Variants in ARID5B observed in about 807,000 individuals in gnomAD.
ARID5B encodes AT-rich interactive domain-containing protein 5B.
ARID5B carries 13 observed loss-of-function variants against 97.2 expected under a neutral mutation model. That is an observed-to-expected ratio of 0.13 (90% CI 0.09 to 0.21). ARID5B has a LOEUF of 0.21. Ranked by LOEUF, ARID5B falls within the 10% of genes least tolerant of loss-of-function variation. ARID5B has a pLI of 1.00. For missense variants in ARID5B, 1,210 were observed against 1,465.3 expected, an observed-to-expected ratio of 0.83 and a Z score of 2.84; for synonymous variants, 556 against 570.3, an observed-to-expected ratio of 0.97 and a Z score of 0.36.
intron 7 of ARID5B, among the ~76,000 whole-genome samples, chr10:62,065,067 C>A: frequency 6.6e-6 from 1 of 152,172 alleles, no homozygotes; most frequent in East Asian, 1.9e-4. Context: ...AGTCACCATG[C>A]CCGTCCTCTA....
chr10:61,908,199 T>C (rs1843736701), intron 2 of ARID5B, among the ~76,000 whole-genome samples: 1 of 152,184 alleles, frequency 6.6e-6, no homozygotes, highest in Non-Finnish European at 1.5e-5. Flanking sequence ...TATTTTGAGT[T>C]AATAAAAAAC....
chr10:61,903,424 G>A (rs1843653565), intron 2 of ARID5B, among the ~76,000 whole-genome samples: 2 of 152,212 alleles, frequency 1.3e-5, no homozygotes, highest in South Asian at 4.1e-4. Context: ...CCGCAGTTCT[G>A]CGGGCTCCCC....
intron 8 of ARID5B, among the ~76,000 whole-genome samples, chr10:62,078,794 G>A (rs1840171659): frequency 6.6e-6 from 1 of 152,178 alleles, no homozygotes; most frequent in South Asian, 2.1e-4. Flanking sequence ...AAGCCCCAAA[G>A]GAGCTTTATT....
chr10:61,962,941 T>C (rs1195549003), intron 3 of ARID5B, among the ~76,000 whole-genome samples: 1 of 152,236 alleles, frequency 6.6e-6, no homozygotes, highest in African/African-American at 2.4e-5. Context: ...TGGTTTTTAA[T>C]GTTAGTAGAA....
intron 2 of ARID5B, among the ~76,000 whole-genome samples, chr10:61,904,716 A>G (rs1215879670): frequency 6.6e-6 from 1 of 152,234 alleles, no homozygotes; most frequent in Non-Finnish European, 1.5e-5. Context: ...TGTATATTTC[A>G]TTAGGACTTT....
At chr10:62,031,439 T>C (rs1181573521) in intron 4 of ARID5B, among the ~76,000 whole-genome samples, 1 of 152,254 alleles carries the variant, frequency 6.6e-6, no homozygotes, top group Admixed American at 6.5e-5. Context: ...TGAAAAACTC[T>C]TAAGAAGGAG....
rs189253218 is a variant in ARID5B at position 62,019,853 on chromosome 10, G to C, written c.733+19532G>C. ...AAGGTTTAATTCAGAGTGAAGATTT[G>C]CTCCTAGGGAGCCACAGAATTAGCA... On this transcript the variant is annotated intron_variant, in intron 4 of 9. Transcript: ENST00000279873. 2.6e-5 allele frequency among the ~76,000 whole-genome samples: 4 copies of C among 152,204 alleles called. No homozygotes were observed. The East Asian group carries it at 5.8e-4, about 22-fold the overall frequency.
At chr10:62,088,700 G>A (rs886232432) in intron 9 of ARID5B, among the ~76,000 whole-genome samples, 11 of 152,226 alleles carry the variant, frequency 7.2e-5, no homozygotes, top group Non-Finnish European at 1.5e-4. Flanking sequence ...ATAGAACCAT[G>A]TTATTAGCCA....
At chr10:61,982,159 C>A (rs1270621098) in intron 3 of ARID5B, among the ~76,000 whole-genome samples, 1 of 152,188 alleles carries the variant, frequency 6.6e-6, no homozygotes, top group Non-Finnish European at 1.5e-5. Flanking sequence ...GATTTGCATC[C>A]TTGCCGTGTG....
chr10:62,067,090 CT>C (rs58181996), intron 7 of ARID5B, among the ~76,000 whole-genome samples: 100 of 144,932 alleles, frequency 6.9e-4, no homozygotes, highest in Non-Finnish European at 6.7e-4. Context: ...TATAGAACTT[CT>C]TTTTTTTTTT....
intron 4 of ARID5B, among the ~76,000 whole-genome samples, chr10:62,013,704 A>C (rs1839246825): frequency 1.3e-5 from 2 of 149,658 alleles, no homozygotes; most frequent in Non-Finnish European, 3.0e-5. Flanking sequence ...ACCTTACTTC[A>C]CTCCACACAA....
chr10:61,995,702 C>G (rs1219586098), intron 3 of ARID5B, among the ~76,000 whole-genome samples: 1 of 152,172 alleles, frequency 6.6e-6, no homozygotes, highest in Non-Finnish European at 1.5e-5. Context: ...TGGACCCAGA[C>G]TGTTTTACTC....
At chr10:61,920,341 T>C (rs1843991667) in intron 2 of ARID5B, among the ~76,000 whole-genome samples, 1 of 151,744 alleles carries the variant, frequency 6.6e-6, no homozygotes, top group African/African-American at 2.4e-5. Context: ...TTTTTTTTTT[T>C]TTTTTCCTGA....
chr10:62,034,415 A>T (rs1839535623), intron 4 of ARID5B, among the ~76,000 whole-genome samples: 1 of 152,200 alleles, frequency 6.6e-6, no homozygotes, highest in South Asian at 2.1e-4. Flanking sequence ...GGCCTGACAT[A>T]GTTACATCCC....
At position 62,077,507 on chromosome 10, in the gene ARID5B, C is replaced by T. The variant is rs189148270; in HGVS notation, c.1199+7710C>T. Among the ~76,000 whole-genome samples, 83 of 147,564 alleles carry T rather than the reference C, an allele frequency of 5.6e-4. 1 individual carries two copies. The East Asian group carries it at 0.015, about 27-fold the overall frequency. On this transcript the variant is annotated intron_variant, in intron 8 of 9. Coordinates refer to ENST00000279873, the MANE Select transcript of ARID5B (RefSeq NM_032199.3). ...GTGTATGTCATGCTGTAAACTACAG[C>T]GAGTTCTTTGTTTGACCCCCCCCAA...
At chr10:61,963,009 C>T (rs1382441565) in intron 3 of ARID5B, among the ~76,000 whole-genome samples, 9 of 148,874 alleles carry the variant, frequency 6.0e-5, no homozygotes, top group Non-Finnish European at 5.9e-5. Flanking sequence ...TTTCTTTTTT[C>T]TGGGAGTGTG....
At chr10:62,005,217 C>G (rs1839131418) in intron 4 of ARID5B, among the ~76,000 whole-genome samples, 1 of 152,182 alleles carries the variant, frequency 6.6e-6, no homozygotes, top group Non-Finnish European at 1.5e-5. Flanking sequence ...TGAAAGAGTG[C>G]TAAGCTTACA....
rs148232588 is a variant in ARID5B, at chr10:62,091,345, G to A, written c.1882G>A (p.Val628Met). 57 of 1,614,162 alleles carry A rather than the reference G, an allele frequency of 3.5e-5. No homozygotes were observed. Among genetic ancestry groups the A allele is most frequent in the East Asian group, 8.9e-5 (4 of 44,890 alleles). Residue 628 changes from valine to methionine, a missense_variant, in exon 10 of 10, where the codon GTG becomes ATG. By Grantham distance (21) the Val-to-Met change is conservative. Coordinates refer to ENST00000279873, the MANE Select transcript of ARID5B (RefSeq NM_032199.3). ...GGCAGATTACATTGCCAACTGCACCGTGAAGGTGGACCAGCTGGGCAGTGA... is the reference window on the plus strand; with the variant it reads ...GGCAGATTACATTGCCAACTGCACCATGAAGGTGGACCAGCTGGGCAGTGA... ...AMADYIANCT[V>M]KVDQLGSDDI... is the part of the protein sequence containing the mutation.
At chr10:62,050,804 A>G in intron 4 of ARID5B, 84 bp from the exon 5 acceptor site, 3 of 1,125,370 alleles carry the variant, frequency 2.7e-6, no homozygotes, top group Non-Finnish European at 4.0e-6. Context: ...ATTAGAAGGG[A>G]TCACTGTAGT....
Sources: gnomAD v4.1 joint callset for allele counts (sites outside exome capture counted in the v4.1 genomes callset) on GRCh38, gnomAD v4.1.1 for gene constraint, MANE v1.5 for transcripts, NCBI Gene and HGNC (gene_info 2026-07-23, HGNC 2026-07-21) for gene names.